KCND2: variants seen among roughly 807,000 people sequenced by gnomAD.
The protein encoded by KCND2 is potassium voltage-gated channel subfamily D member 2.
Under a neutral mutation model 54.4 loss-of-function variants are expected in KCND2, and 16 were observed. The ratio of observed to expected loss-of-function variants is 0.29; its 90% CI spans 0.20 to 0.45. The LOEUF (loss-of-function observed/expected upper bound fraction) is 0.45, where lower values mean the gene tolerates loss of function less well. Ranked by LOEUF, KCND2 falls within the 20% of genes least tolerant of loss-of-function variation. The pLI, the probability that KCND2 is intolerant of heterozygous loss-of-function variation, is 1.00. For synonymous variants in KCND2, 317 were observed against 310.7 expected, an observed-to-expected ratio of 1.02 and a Z score of -0.21; for missense variants, 486 against 824.2, an observed-to-expected ratio of 0.59 and a Z score of 5.02.
chr7:120,330,622 C>T (rs1800053554), intron 1 of KCND2, among the ~76,000 whole-genome samples: 1 of 134,490 alleles, frequency 7.4e-6, no homozygotes, highest in South Asian at 2.6e-4. Flanking sequence ...GCTAACATTA[C>T]TCTTCTCAAT....
At chr7:120,485,882 C>T (rs1325403026) in intron 1 of KCND2, among the ~76,000 whole-genome samples, 1 of 152,140 alleles carries the variant, frequency 6.6e-6, no homozygotes, top group Non-Finnish European at 1.5e-5. Flanking sequence ...GTATCACTAA[C>T]ACCTGGAATA....
intron 1 of KCND2, among the ~76,000 whole-genome samples, chr7:120,282,947 CAG>C (rs927643376): frequency 3.9e-5 from 6 of 152,142 alleles, no homozygotes; most frequent in African/African-American, 1.4e-4. Flanking sequence ...GTGGAAGAGT[CAG>C]AAATAAAAAT....
At chr7:120,394,203 T>A (rs555795995) in intron 1 of KCND2, among the ~76,000 whole-genome samples, 2 of 152,052 alleles carry the variant, frequency 1.3e-5, no homozygotes, top group African/African-American at 4.8e-5. Flanking sequence ...AAATCAGTCT[T>A]CCTGAAGGCT....
chr7:120,452,707 A>T (rs1292525689), intron 1 of KCND2, among the ~76,000 whole-genome samples: 1 of 152,158 alleles, frequency 6.6e-6, no homozygotes, highest in Non-Finnish European at 1.5e-5. Context: ...AGATGCTTAG[A>T]GCAGTGCTGA....
chr7:120,413,256 T>A (rs1801476152), intron 1 of KCND2, among the ~76,000 whole-genome samples: 1 of 151,990 alleles, frequency 6.6e-6, no homozygotes, highest in Admixed American at 6.6e-5. Flanking sequence ...AATAAAACAT[T>A]GAAGAATTAG....
chr7:120,308,875 C>A (rs1326003282), intron 1 of KCND2, among the ~76,000 whole-genome samples: 1 of 152,154 alleles, frequency 6.6e-6, no homozygotes, highest in African/African-American at 2.4e-5. Flanking sequence ...GAACACATCT[C>A]TACCCCCTTT....
chr7:120,351,412 A>ACACACT (rs1239086324), intron 1 of KCND2, among the ~76,000 whole-genome samples: 3 of 99,786 alleles, frequency 3.0e-5, no homozygotes, highest in African/African-American at 7.5e-5. Flanking sequence ...ACACACACAC[A>ACACACT]CTCTCTCTCT....
At chr7:120,315,371 G>C (rs181357303) in intron 1 of KCND2, among the ~76,000 whole-genome samples, 7 of 152,234 alleles carry the variant, frequency 4.6e-5, no homozygotes, top group Admixed American at 3.9e-4. Flanking sequence ...TTTCTACATA[G>C]CATGGATGCT....
At position 120,285,627 on chromosome 7, in the gene KCND2, G is replaced by A. The variant is rs147638584; in HGVS notation, c.1115+9880G>A. The stretch of plus-strand genomic sequence containing the variant: ...ATATTTTTCCAATCTTTTATAGATT[G>A]CCTTGCATTTTTTTAATGTTTGCAA... On this transcript the variant is annotated intron_variant, in intron 1 of 5. Transcript: ENST00000331113. Among the ~76,000 whole-genome samples the A allele has an allele frequency of 3.5e-3, 527 of 151,848 alleles. 1 individual carries two copies. Among genetic ancestry groups the A allele is most frequent in the African/African-American group, 0.012 (483 of 41,488 alleles).
chr7:120,498,428 C>T (rs921320969), intron 1 of KCND2, among the ~76,000 whole-genome samples: 3 of 151,552 alleles, frequency 2.0e-5, no homozygotes, highest in African/African-American at 7.3e-5. Flanking sequence ...TGCAGTGAGC[C>T]GAGATTGCCC....
chr7:120,378,636 G>A (rs1225348004), intron 1 of KCND2, among the ~76,000 whole-genome samples: 2 of 151,844 alleles, frequency 1.3e-5, no homozygotes, highest in Non-Finnish European at 2.9e-5. Context: ...TGTAAAGCAG[G>A]TTCACAAAAA....
intron 1 of KCND2, among the ~76,000 whole-genome samples, chr7:120,335,612 G>A (rs964469771): frequency 1.3e-5 from 2 of 151,210 alleles, no homozygotes; most frequent in South Asian, 2.1e-4. Flanking sequence ...CAGCCTCCTG[G>A]GTAGCTGGGA....
intron 1 of KCND2, among the ~76,000 whole-genome samples, chr7:120,291,891 T>G (rs1013371093): frequency 6.6e-6 from 1 of 151,920 alleles, no homozygotes; most frequent in Non-Finnish European, 1.5e-5. Flanking sequence ...GAAATTGCAA[T>G]GACATTTGAA....
intron 1 of KCND2, among the ~76,000 whole-genome samples, chr7:120,607,014 A>G (rs916494552): frequency 6.6e-6 from 1 of 152,080 alleles, no homozygotes; most frequent in Non-Finnish European, 1.5e-5. Context: ...GATATTTTGT[A>G]CTACAGTGAC....
intron 1 of KCND2, among the ~76,000 whole-genome samples, chr7:120,726,908 A>G (rs1792740423): frequency 6.6e-6 from 1 of 152,214 alleles, no homozygotes; most frequent in African/African-American, 2.4e-5. Context: ...TGAGAGATTG[A>G]GTTACAGTAA....
At chr7:120,510,816 A>G (rs7810555) in intron 1 of KCND2, among the ~76,000 whole-genome samples, 37,248 of 151,586 alleles carry the variant, frequency 0.25, 6,976 homozygotes, top group African/African-American at 0.53. Context: ...TCCTCTGTCA[A>G]TTCTCCATGC....
intron 1 of KCND2, among the ~76,000 whole-genome samples, chr7:120,384,458 T>C (rs1003407881): frequency 1.3e-5 from 2 of 152,172 alleles, no homozygotes; most frequent in African/African-American, 4.8e-5. Context: ...GACACACATA[T>C]GCTCTCAGCA....
intron 1 of KCND2, among the ~76,000 whole-genome samples, chr7:120,377,563 GA>G (rs34883321): frequency 0.66 from 98,351 of 150,136 alleles, 37,704 homozygotes; most frequent in South Asian, 0.91. Context: ...CTCACCCCAA[GA>G]AAAAAAAAAG....
chr7:120,722,057 C>T (rs1307943246), intron 1 of KCND2, among the ~76,000 whole-genome samples: 1 of 152,188 alleles, frequency 6.6e-6, no homozygotes, highest in Non-Finnish European at 1.5e-5. Flanking sequence ...TCTTCTCCAG[C>T]CAGGTGGAAC....
Sources: allele counts gnomAD v4.1 joint callset (sites outside exome capture counted in the v4.1 genomes callset), GRCh38; gene constraint gnomAD v4.1.1; transcripts MANE v1.5; gene names NCBI Gene and HGNC (gene_info 2026-07-23, HGNC 2026-07-21).